The following EPB41L1 variants were observed in gnomAD, a reference collection of about 807,000 sequenced individuals.
EPB41L1 encodes the protein erythrocyte membrane protein band 4.1 like 1, also known as band 4.1-like protein 1.
In EPB41L1, 29 loss-of-function variants were observed where a neutral mutation model predicts 97.8. The ratio of observed to expected loss-of-function variants is 0.30; its 90% CI spans 0.22 to 0.40. The LOEUF is 0.40. EPB41L1 is among the 10% of genes least tolerant of loss of function. The pLI, the probability that EPB41L1 is intolerant of heterozygous loss-of-function variation, is 1.00. For synonymous variants in EPB41L1, 383 were observed against 459.2 expected (o/e 0.83, Z 2.12); for missense variants, 812 against 1,162.3 (o/e 0.70, Z 4.38).
At chr20:36,125,889 G>A (rs1407608906) in intron 2 of EPB41L1, among the ~76,000 whole-genome samples, 1 of 152,084 alleles carries the variant, frequency 6.6e-6, no homozygotes, top group African/African-American at 2.4e-5. Flanking sequence ...GCTCATGGAA[G>A]TGTAGAAGAG....
chr20:36,195,404 C>A lies in EPB41L1; in HGVS notation c.1485+40C>A, dbSNP rs938997176. On this transcript the variant is annotated intron_variant, in intron 13 of 21. Coordinates refer to ENST00000338074, the MANE Select transcript of EPB41L1 (RefSeq NM_012156.2). The surrounding 1 kb of genome is among the most constrained non-coding windows in gnomAD (Gnocchi z 4.6). ...CTGTCCCTCCCTACCCAGCCGTTCCCATCCCTAGCTCATTTGTCACCATCC... is the reference window on the plus strand; with the variant it reads ...CTGTCCCTCCCTACCCAGCCGTTCCAATCCCTAGCTCATTTGTCACCATCC... The A allele has an allele frequency of 6.2e-7, 1 of 1,611,624 alleles. No individual in the cohort carries two copies. The highest frequency in any genetic ancestry group is 1.7e-5 in the Admixed American group (1 of 59,980).
In EPB41L1 at chr20:36,229,987, C is replaced by T. The variant is rs1053332188; in HGVS notation, c.*647C>T. The stretch of plus-strand genomic sequence containing the variant: ...GGATCTTGACACTGGGCTGCAAAAC[C>T]TACCTTCCTCTCTCCCGCCTCCCCT... On this transcript the variant is annotated 3_prime_UTR_variant, in exon 22 of 22. Coordinates refer to ENST00000338074, the MANE Select transcript of EPB41L1 (RefSeq NM_012156.2). 1 of 152,540 alleles carries T rather than the reference C, an allele frequency of 6.6e-6. No individual in the cohort carries two copies. The highest frequency in any genetic ancestry group is 1.5e-5 in the Non-Finnish European group (1 of 68,012). The allele number at this position is 152,540 out of a possible 1,614,324, so 9.4% of individuals were successfully genotyped here.
chr20:36,209,369 C>T lies in EPB41L1; in HGVS notation c.1669-119C>T, dbSNP rs1170867007. 2 of 1,142,936 alleles carry T rather than the reference C, an allele frequency of 1.7e-6. No individual in the cohort carries two copies. Among genetic ancestry groups the T allele is most frequent in the African/African-American group, 1.6e-5 (1 of 63,300 alleles). The allele number at this position is 1,142,936 out of a possible 1,614,324, so 70.8% of individuals were successfully genotyped here. On this transcript the variant is annotated intron_variant, in intron 14 of 21. Coordinates refer to ENST00000338074, the MANE Select transcript of EPB41L1 (RefSeq NM_012156.2). This position sits in a 1 kb window ranked among gnomAD's most constrained non-coding sequence, Gnocchi z 4.2. Reference sequence around the variant, plus strand: ...GGTGTTTTTCATTTCCTGGCCTGCTCTTCCATTCAGGATGTCGACACAGCC... The same window carrying T: ...GGTGTTTTTCATTTCCTGGCCTGCTTTTCCATTCAGGATGTCGACACAGCC...
At chr20:36,185,644 T>A (rs1033993526) in intron 7 of EPB41L1, among the ~76,000 whole-genome samples, 7 of 152,226 alleles carry the variant, frequency 4.6e-5, no homozygotes, top group African/African-American at 1.7e-4. Context: ...ACTGTGTCTC[T>A]GAGTAAGTGT....
Position 36,212,514 on chromosome 20 carries a change from CTCCT to C in EPB41L1, c.2184+139_2184+142del. 1 of 729,304 alleles carries C rather than the reference CTCCT, an allele frequency of 1.4e-6. No individual in the cohort carries two copies. Among genetic ancestry groups the C allele is most frequent in the Non-Finnish European group, 2.4e-6 (1 of 423,764 alleles). 45.2% of individuals were successfully genotyped at this position (729,304 alleles called of 1,614,324 possible). A position where few individuals can be genotyped will look rare whatever the true frequency, so the allele number is the denominator to read the frequency against. On this transcript the variant is annotated intron_variant, in intron 16 of 21. Transcript: ENST00000338074. This position sits in a 1 kb window ranked among gnomAD's most constrained non-coding sequence, Gnocchi z 4.8. ...GAACCCATATGTTAATCCTGATGCT[CTCCT>C]GTGCCTCAGTGTCCTCTCTGAGCTC...
Position 36,194,463 on chromosome 20 carries a change from C to A in EPB41L1, c.1449+103C>A, listed in dbSNP as rs113369746. 1.1e-4 allele frequency: 153 copies of A among 1,438,400 alleles called. No homozygotes were observed. In the African/African-American group the frequency reaches 1.8e-3, roughly 17 times the overall value. 89.1% of individuals were successfully genotyped at this position (1,438,400 alleles called of 1,614,324 possible). On this transcript the variant is annotated intron_variant, in intron 12 of 21. Coordinates refer to ENST00000338074, the MANE Select transcript of EPB41L1 (RefSeq NM_012156.2). ...TCACATGCCTCCAGCTGTGGCCAAG[C>A]ACCCTTACTATGGAGTGCACCATGG...
In EPB41L1 at chr20:36,188,329, T is replaced by C. The variant is rs980115997; in HGVS notation, c.874-18T>C. 1.3e-5 allele frequency: 21 copies of C among 1,612,630 alleles called. No individual in the cohort carries two copies. The highest frequency in any genetic ancestry group is 4.4e-5 in the South Asian group (4 of 91,000). On this transcript the variant is annotated intron_variant, in intron 8 of 21. Transcript: ENST00000338074. Reference sequence around the variant, plus strand: ...CATGGACCCCGGGCCTCCCATTCCATGGTCTCTTCTCATGCAGGACTCTGA... The same window carrying C: ...CATGGACCCCGGGCCTCCCATTCCACGGTCTCTTCTCATGCAGGACTCTGA...
intron 2 of EPB41L1, among the ~76,000 whole-genome samples, chr20:36,139,601 C>T (rs1405821186): frequency 3.9e-5 from 6 of 152,216 alleles, no homozygotes; most frequent in East Asian, 3.8e-4. Flanking sequence ...ACTAGCTCAG[C>T]GCTTCAGACC....
chr20:36,142,624 G>A (rs1031756819), intron 2 of EPB41L1, among the ~76,000 whole-genome samples: 1 of 152,186 alleles, frequency 6.6e-6, no homozygotes, highest in Non-Finnish European at 1.5e-5. Flanking sequence ...TCACTTGCAC[G>A]GATTGGGCGG....
chr20:36,144,488 A>G (rs1275692796), intron 2 of EPB41L1, among the ~76,000 whole-genome samples: 1 of 152,190 alleles, frequency 6.6e-6, no homozygotes, highest in East Asian at 1.9e-4. Flanking sequence ...GGGAAAACCC[A>G]TGGGGCATCT....
At chr20:36,203,508 G>C (rs2062616053) in intron 14 of EPB41L1, among the ~76,000 whole-genome samples, 3 of 152,218 alleles carry the variant, frequency 2.0e-5, no homozygotes, top group African/African-American at 7.2e-5. Context: ...TAGCCTAGTT[G>C]CTAGTTAGAA....
At chr20:36,160,458 G>A (rs1460254499) in intron 1 of EPB41L1, among the ~76,000 whole-genome samples, 1 of 151,906 alleles carries the variant, frequency 6.6e-6, no homozygotes, top group Non-Finnish European at 1.5e-5. Flanking sequence ...GGTGGCTGGC[G>A]CCTGTAATCC....
intron 2 of EPB41L1, among the ~76,000 whole-genome samples, chr20:36,124,549 G>T (rs1182301604): frequency 6.6e-6 from 1 of 152,174 alleles, no homozygotes; most frequent in Non-Finnish European, 1.5e-5. Flanking sequence ...CCTCTGCTTA[G>T]AATTCTTTTC....
chr20:36,155,608 C>T (rs771997637), intron 1 of EPB41L1: 3 of 456,510 alleles, frequency 6.6e-6, no homozygotes, highest in Middle Eastern at 3.3e-4. Context: ...GGTGCAGAGG[C>T]CACTGACTGG....
intron 1 of EPB41L1, among the ~76,000 whole-genome samples, chr20:36,166,777 A>G (rs946079987): frequency 1.3e-5 from 2 of 152,140 alleles, no homozygotes; most frequent in African/African-American, 4.8e-5. Flanking sequence ...AGGCAGGAGA[A>G]TTGCTTGAAC....
rs1326982127 is a variant in EPB41L1, at chr20:36,092,593, C to A, written c.-65+981C>A. 6.6e-6 allele frequency: 1 copy of A among 151,922 alleles called. No individual in the cohort carries two copies. Among genetic ancestry groups the A allele is most frequent in the Non-Finnish European group, 1.5e-5 (1 of 68,096 alleles). 9.4% of individuals were successfully genotyped at this position (151,922 alleles called of 1,614,324 possible). ...TGGGGGGCCGGGATCGCCGCCGCCT[C>A]CTCCGGGGGAGCCGGCCGGGGCGGG... On this transcript the variant is annotated intron_variant, in intron 1 of 19. Transcript: ENST00000202028. The surrounding 1 kb of genome is among the most constrained non-coding windows in gnomAD (Gnocchi z 7.0).
chr20:36,176,193 C>T (rs1196323759), intron 3 of EPB41L1, among the ~76,000 whole-genome samples: 1 of 152,240 alleles, frequency 6.6e-6, no homozygotes, highest in Non-Finnish European at 1.5e-5. Context: ...GCAAGCCCAT[C>T]ACCACGTCAC....
At chr20:36,229,298 ACC>A in intron 21 of EPB41L1, 32 bp from the exon 22 acceptor site, 1 of 871,532 alleles carries the variant, frequency 1.1e-6, no homozygotes, top group Non-Finnish European at 1.7e-6. Flanking sequence ...CCCACTCCCC[ACC>A]CCCCATTCTA....
Position 36,221,897 on chromosome 20 carries a change from G to A in EPB41L1, c.2473G>A (p.Glu825Lys). 6.2e-7 allele frequency: 1 copy of A among 1,614,160 alleles called. No individual in the cohort carries two copies. The highest frequency in any genetic ancestry group is 8.5e-7 in the Non-Finnish European group (1 of 1,180,030). ...VKGGFSETRI[E>K]KRIIITGDED... ...AGGAGGGTTTTCTGAGACAAGGATC[G>A]AGAAGCGAATCATCATTACTGGGGA... The change falls in exon 20 of 22, where the codon GAG (glutamate) becomes AAG (lysine). Residue 825 changes from glutamate (E) to lysine (K), a missense_variant. Transcript: ENST00000338074.
Sources: allele counts gnomAD v4.1 joint callset (sites outside exome capture counted in the v4.1 genomes callset), GRCh38; gene constraint gnomAD v4.1.1; non-coding constraint Gnocchi (gnomAD v3.1); transcripts MANE v1.5; gene names NCBI Gene and HGNC (gene_info 2026-07-23, HGNC 2026-07-21).